The following TRDN variants were observed in gnomAD, a reference collection of about 807,000 sequenced individuals.
The protein encoded by TRDN is triadin, also known as triadin in skeletal muscle.
Under a neutral mutation model 149.7 loss-of-function variants are expected in TRDN, and 161 were observed. The ratio of observed to expected loss-of-function variants is 1.08; its 90% confidence interval spans 0.95 to 1.23. The LOEUF (loss-of-function observed/expected upper bound fraction) is 1.23, where lower values mean the gene tolerates loss of function less well. Ranked by LOEUF, TRDN falls within the 50% of genes most tolerant of loss-of-function variation. TRDN has a pLI of 0.00. For missense variants in TRDN, 896 were observed against 823.5 expected (o/e 1.09, Z -1.08); for synonymous variants, 294 against 250.5 (o/e 1.17, Z -1.64).
intron 12 of TRDN, among the ~76,000 whole-genome samples, chr6:123,417,328 A>G (rs1178228033): frequency 6.6e-6 from 1 of 152,140 alleles, no homozygotes; most frequent in Admixed American, 6.6e-5. Flanking sequence ...TTTGATCCCT[A>G]TTACCAAAAT....
chr6:123,568,523 C>A (rs950750376), intron 2 of TRDN, among the ~76,000 whole-genome samples: 1 of 152,232 alleles, frequency 6.6e-6, no homozygotes, highest in Non-Finnish European at 1.5e-5. Context: ...CCCAGAATTT[C>A]CCATACATTC....
At chr6:123,293,550 A>C (rs911090283) in intron 24 of TRDN, among the ~76,000 whole-genome samples, 3 of 152,106 alleles carry the variant, frequency 2.0e-5, no homozygotes, top group Non-Finnish European at 2.9e-5. Context: ...ATCACTGCCT[A>C]GTCTGGAAAG....
chr6:123,432,048 A>G (rs1352394816), intron 12 of TRDN, among the ~76,000 whole-genome samples: 1 of 152,170 alleles, frequency 6.6e-6, no homozygotes, highest in African/African-American at 2.4e-5. Context: ...ATACGAATGT[A>G]TCCCTTAAAC....
chr6:123,343,217 A>C (rs764162183), intron 21 of TRDN, among the ~76,000 whole-genome samples: 8 of 152,052 alleles, frequency 5.3e-5, no homozygotes, highest in Non-Finnish European at 1.2e-4. Context: ...TCCAAAGTTC[A>C]GTAATCTCAC....
At chr6:123,550,580 G>A (rs1166783825) in intron 2 of TRDN, among the ~76,000 whole-genome samples, 1 of 151,902 alleles carries the variant, frequency 6.6e-6, no homozygotes, top group East Asian at 1.9e-4. Flanking sequence ...TACTAGAAGA[G>A]GAACTAGGAT....
At chr6:123,633,609 G>A (rs1786128500) in intron 1 of TRDN, among the ~76,000 whole-genome samples, 1 of 152,008 alleles carries the variant, frequency 6.6e-6, no homozygotes, top group African/African-American at 2.4e-5. Flanking sequence ...TGTTATCATT[G>A]CTGTTATAAT....
chr6:123,218,995 A>C (rs551432423), intron 40 of TRDN, among the ~76,000 whole-genome samples: 159 of 152,084 alleles, frequency 1.0e-3, no homozygotes, highest in African/African-American at 3.7e-3. Context: ...CCTGGTATGT[A>C]ATAAGCCTTT....
chr6:123,327,517 T>G (rs1200065319), intron 23 of TRDN, among the ~76,000 whole-genome samples: 3 of 152,076 alleles, frequency 2.0e-5, no homozygotes, highest in Non-Finnish European at 4.4e-5. Flanking sequence ...ATTTCAAAAT[T>G]TTTTTCATAA....
At chr6:123,407,690 T>A (rs1773253351) in intron 12 of TRDN, among the ~76,000 whole-genome samples, 1 of 152,058 alleles carries the variant, frequency 6.6e-6, no homozygotes, top group South Asian at 2.1e-4. Context: ...AAGGAATAAG[T>A]CCCTTGAATA....
At chr6:123,410,787 A>G (rs1773400618) in intron 12 of TRDN, among the ~76,000 whole-genome samples, 1 of 152,102 alleles carries the variant, frequency 6.6e-6, no homozygotes, top group Non-Finnish European at 1.5e-5. Flanking sequence ...CAGAGATGAA[A>G]GTCTGAATCT....
At chr6:123,288,997 T>C (rs1415520392) in intron 24 of TRDN, among the ~76,000 whole-genome samples, 4 of 149,336 alleles carry the variant, frequency 2.7e-5, no homozygotes, top group African/African-American at 9.8e-5. Flanking sequence ...AACAAATATA[T>C]GGATTTAAAA....
chr6:123,260,704 T>C, intron 33 of TRDN, 66 bp from the exon 34 acceptor site: 9 of 1,280,528 alleles, frequency 7.0e-6, no homozygotes, highest in Non-Finnish European at 9.4e-6. Flanking sequence ...AAAGTATAGT[T>C]TTTTATTCAG....
chr6:123,403,267 T>C (rs902240307), intron 12 of TRDN, among the ~76,000 whole-genome samples: 1 of 151,946 alleles, frequency 6.6e-6, no homozygotes, highest in Non-Finnish European at 1.5e-5. Flanking sequence ...ATCTAAGAGA[T>C]CCCTGGAAAC....
chr6:123,298,591 C>G (rs1483283132), intron 24 of TRDN, among the ~76,000 whole-genome samples: 1 of 152,096 alleles, frequency 6.6e-6, no homozygotes, highest in East Asian at 1.9e-4. Context: ...CAGCTATCAT[C>G]TTTGTATTCT....
intron 22 of TRDN, among the ~76,000 whole-genome samples, chr6:123,334,867 T>A (rs1779804201): frequency 6.6e-6 from 1 of 152,032 alleles, no homozygotes; most frequent in Admixed American, 6.6e-5. Context: ...GGTTTTAAAC[T>A]TGAAGCATCA....
intron 1 of TRDN, among the ~76,000 whole-genome samples, chr6:123,579,628 G>A (rs1366289595): frequency 2.6e-5 from 4 of 152,120 alleles, no homozygotes. Flanking sequence ...CCTCTGCCAA[G>A]TTTTGGTATG....
At chr6:123,240,530 A>G (rs1455041094) in intron 38 of TRDN, among the ~76,000 whole-genome samples, 1 of 151,868 alleles carries the variant, frequency 6.6e-6, no homozygotes, top group African/African-American at 2.4e-5. Flanking sequence ...TTCACAAACA[A>G]TATTAACAAA....
At chr6:123,498,519 C>A (rs926746921) in intron 8 of TRDN, 1 of 470,212 alleles carries the variant, frequency 2.1e-6, no homozygotes, top group East Asian at 7.0e-5. Flanking sequence ...GAAATTGGAG[C>A]ACATTTTCCC....
chr6:123,439,446 A>T (rs950095430), intron 10 of TRDN, among the ~76,000 whole-genome samples: 27 of 152,232 alleles, frequency 1.8e-4, no homozygotes, highest in African/African-American at 5.8e-4. Flanking sequence ...TTAGACCATT[A>T]AAAAGGTATC....
Sources: allele counts gnomAD v4.1 joint callset (sites outside exome capture counted in the v4.1 genomes callset), GRCh38; gene constraint gnomAD v4.1.1; transcripts MANE v1.5; gene names NCBI Gene and HGNC (gene_info 2026-07-23, HGNC 2026-07-21).